Variants in LPIN1 observed in about 807,000 individuals in gnomAD.
LPIN1 encodes phosphatidate phosphatase LPIN1.
A neutral mutation model predicts 107.5 loss-of-function variants in LPIN1; 71 were observed. That is an observed-to-expected ratio of 0.66 (90% CI 0.55 to 0.80). LPIN1 has a LOEUF of 0.80. Ranked by LOEUF, LPIN1 falls within the 30% of genes least tolerant of loss-of-function variation. The probability of loss-of-function intolerance (pLI) is 0.00; values close to 1 mark genes in which losing one functional copy is unlikely to be tolerated. For missense variants in LPIN1, 1,043 were observed against 1,160.6 expected (o/e 0.90, Z 1.47); for synonymous variants, 445 against 452.6 (o/e 0.98, Z 0.21).
chr2:11,724,760 C>G (rs1434293027), intron 1 of LPIN1: 2 of 429,692 alleles, frequency 4.7e-6, no homozygotes, highest in Non-Finnish European at 6.2e-6. Context: ...GGGGCAGTGA[C>G]TGGAATTTGG....
intron 1 of LPIN1, among the ~76,000 whole-genome samples, chr2:11,693,949 C>A (rs1662443992): frequency 6.7e-6 from 1 of 148,334 alleles, no homozygotes; most frequent in African/African-American, 2.5e-5. Flanking sequence ...ATTCTCCTGC[C>A]TCAGCCTCCC....
At position 11,803,075 on chromosome 2, in the gene LPIN1, G is replaced by A. The variant is rs1240947254; in HGVS notation, c.2013+42G>A. ...TGGCGCGGCTGTGTTGTGAGCACAT[G>A]AGGTTTCTGCAGACTCCTAAGGCTG... is the stretch of plus-strand genomic sequence containing the variant. On this transcript the variant is annotated intron_variant, in intron 15 of 20. Coordinates refer to ENST00000674199, the MANE Select transcript of LPIN1 (RefSeq NM_001349206.2). The surrounding 1 kb of genome is among the most constrained non-coding windows in gnomAD (Gnocchi z 4.2). 1 of 1,610,622 alleles carries A rather than the reference G, an allele frequency of 6.2e-7. No individual in the cohort carries two copies. Among genetic ancestry groups the A allele is most frequent in the African/African-American group, 1.3e-5 (1 of 74,982 alleles).
chr2:11,690,336 C>T (rs1662207706), intron 1 of LPIN1, among the ~76,000 whole-genome samples: 1 of 152,270 alleles, frequency 6.6e-6, no homozygotes, highest in East Asian at 1.9e-4. Flanking sequence ...TATAGGTCAA[C>T]AGTTGCTTTC....
intron 12 of LPIN1, among the ~76,000 whole-genome samples, chr2:11,789,151 G>A (rs769861000): frequency 6.6e-6 from 1 of 152,240 alleles, no homozygotes; most frequent in South Asian, 2.1e-4. Context: ...TCCTTTGTGC[G>A]CTTAGCAAGC....
chr2:11,761,393 C>T (rs1053658630), intron 1 of LPIN1, among the ~76,000 whole-genome samples: 5 of 152,130 alleles, frequency 3.3e-5, no homozygotes, highest in African/African-American at 1.2e-4. Context: ...ATTAGCAGGA[C>T]AGATCAAGGG....
intron 1 of LPIN1, among the ~76,000 whole-genome samples, chr2:11,754,669 C>T (rs1245400387): frequency 6.6e-6 from 1 of 152,068 alleles, no homozygotes; most frequent in Non-Finnish European, 1.5e-5. Flanking sequence ...ATGTGTTGTC[C>T]AGGAGCAAAG....
Position 11,786,987 on chromosome 2 carries a change from T to A in LPIN1, c.1550-87T>A. ...GAATGCACAAACTCTCAGAAAACAC[T>A]TGTGAGTGAGCAAATGAAAGGTAGG... On this transcript the variant is annotated intron_variant, in intron 10 of 20. Coordinates refer to ENST00000674199, the MANE Select transcript of LPIN1 (RefSeq NM_001349206.2). This position sits in a 1 kb window ranked among gnomAD's most constrained non-coding sequence, Gnocchi z 4.1. The A allele has an allele frequency of 1.1e-6, 1 of 880,056 alleles. No individual in the cohort carries two copies. The allele number at this position is 880,056 out of a possible 1,614,324, so 54.5% of individuals were successfully genotyped here.
chr2:11,804,982 G>GTTTTTTTTTTTT, intron 16 of LPIN1, 88 bp from the exon 17 acceptor site: 1 of 704,168 alleles, frequency 1.4e-6, no homozygotes, highest in Non-Finnish European at 2.4e-6. Flanking sequence ...TCTTGTTTGT[G>GTTTTTTTTTTTT]TTTTTTTTTT....
At chr2:11,794,080 T>A (rs530448108) in intron 13 of LPIN1, among the ~76,000 whole-genome samples, 2 of 152,264 alleles carry the variant, frequency 1.3e-5, no homozygotes, top group African/African-American at 4.8e-5. Context: ...TATCAAGATA[T>A]AATTGTTCTT....
At chr2:11,806,256 T>A (rs1477709508) in intron 17 of LPIN1, among the ~76,000 whole-genome samples, 1 of 152,230 alleles carries the variant, frequency 6.6e-6, no homozygotes, top group East Asian at 1.9e-4. Flanking sequence ...TGAACACAGA[T>A]GAATGAACTG....
rs1177387394 is a variant in LPIN1, at chr2:11,826,217, G to C, written c.*1426G>C. ...GTTAGAATCACAGGAGGCAAAAAAT[G>C]GAACGGTTGAATGAAATTTTACTCT... is the stretch of plus-strand genomic sequence containing the variant. On this transcript the variant is annotated 3_prime_UTR_variant, in exon 21 of 21. Coordinates refer to ENST00000674199, the MANE Select transcript of LPIN1 (RefSeq NM_001349206.2). The C allele has an allele frequency of 6.6e-6, 1 of 152,610 alleles. No homozygotes were observed. The highest frequency in any genetic ancestry group is 1.5e-5 in the Non-Finnish European group (1 of 68,034). 9.5% of individuals were successfully genotyped at this position (152,610 alleles called of 1,614,324 possible).
chr2:11,761,863 G>T (rs1448989992), intron 1 of LPIN1, among the ~76,000 whole-genome samples: 1 of 152,036 alleles, frequency 6.6e-6, no homozygotes, highest in Non-Finnish European at 1.5e-5. Flanking sequence ...TCTCATACAC[G>T]CTTCTGACAC....
At chr2:11,692,486 T>C (rs749206347) in intron 1 of LPIN1, among the ~76,000 whole-genome samples, 15 of 152,384 alleles carry the variant, frequency 9.8e-5, no homozygotes, top group Admixed American at 5.2e-4. Flanking sequence ...TGATGTTGAC[T>C]CAGTAGATTT....
Position 11,786,973 on chromosome 2 carries a change from C to G in LPIN1, c.1550-101C>G. The G allele has an allele frequency of 1.2e-6, 1 of 817,400 alleles. No homozygotes were observed. Among genetic ancestry groups the G allele is most frequent in the Non-Finnish European group, 2.2e-6 (1 of 462,878 alleles). 50.6% of individuals were successfully genotyped at this position (817,400 alleles called of 1,614,324 possible). A position where few individuals can be genotyped will look rare whatever the true frequency, so the allele number is the denominator to read the frequency against. ...TGTCTGCACAGTTGGAATGCACAAA[C>G]TCTCAGAAAACACTTGTGAGTGAGC... On this transcript the variant is annotated intron_variant, in intron 10 of 20. Coordinates refer to ENST00000674199, the MANE Select transcript of LPIN1 (RefSeq NM_001349206.2). This position sits in a 1 kb window ranked among gnomAD's most constrained non-coding sequence, Gnocchi z 4.1.
chr2:11,743,694 CTT>C (rs1192899546), upstream of LPIN1, among the ~76,000 whole-genome samples: 1 of 152,176 alleles, frequency 6.6e-6, no homozygotes, highest in Non-Finnish European at 1.5e-5. This position sits in a 1 kb window ranked among gnomAD's most constrained non-coding sequence, Gnocchi z 4.7. Flanking sequence ...ATTGTCCTCT[CTT>C]TGGGATCCTT....
At chr2:11,788,175 T>A (rs1235702244) in intron 11 of LPIN1, among the ~76,000 whole-genome samples, 1 of 152,100 alleles carries the variant, frequency 6.6e-6, no homozygotes, top group African/African-American at 2.4e-5. Context: ...CTGGCACGGC[T>A]GCTGCTGGGC....
At chr2:11,754,765 CCA>C (rs1423596869) in intron 1 of LPIN1, among the ~76,000 whole-genome samples, 1 of 152,186 alleles carries the variant, frequency 6.6e-6, no homozygotes, top group East Asian at 1.9e-4. Context: ...TACCCTGCTC[CCA>C]CACACATAGC....
intron 11 of LPIN1, among the ~76,000 whole-genome samples, chr2:11,787,398 C>CTTTTTTTTTTTTTTTTTT (rs1205272301): frequency 6.2e-5 from 4 of 64,554 alleles, no homozygotes; most frequent in Non-Finnish European, 8.4e-5. Context: ...TTTTCTTTTT[C>CTTTTTTTTTTTTTTTTTT]TTTTTTTTTT....
At chr2:11,714,872 C>A (rs971514875) in intron 2 of LPIN1, among the ~76,000 whole-genome samples, 3 of 152,204 alleles carry the variant, frequency 2.0e-5, no homozygotes, top group Non-Finnish European at 2.9e-5. Flanking sequence ...CAGAGGACAC[C>A]TGAGGCTCAG....
Sources: gnomAD v4.1 joint callset for allele counts (sites outside exome capture counted in the v4.1 genomes callset) on GRCh38, gnomAD v4.1.1 for gene constraint, Gnocchi (gnomAD v3.1) non-coding constraint, MANE v1.5 for transcripts, NCBI Gene and HGNC (gene_info 2026-07-23, HGNC 2026-07-21) for gene names.